SHANK2: variants seen among roughly 807,000 people sequenced by gnomAD.
SHANK2 encodes SH3 and multiple ankyrin repeat domains 2, also known as SH3 and multiple ankyrin repeat domains protein 2.
SHANK2 carries 43 observed loss-of-function variants against 133.7 expected under a neutral mutation model. The ratio of observed to expected loss-of-function variants is 0.32; its 90% confidence interval spans 0.25 to 0.41. The LOEUF is 0.41. SHANK2 is among the 10% of genes least tolerant of loss of function. The pLI, the probability that SHANK2 is intolerant of heterozygous loss-of-function variation, is 1.00. For missense variants in SHANK2, 1,994 were observed against 2,235.8 expected (o/e 0.89, Z 2.18); for synonymous variants, 1,017 against 952.8 (o/e 1.07, Z -1.24).
chr11:71,207,868 T>G (rs1954159685), intron 2 of SHANK2, among the ~76,000 whole-genome samples: 1 of 151,818 alleles, frequency 6.6e-6, no homozygotes, highest in Admixed American at 6.6e-5. Context: ...CACTCTTGCC[T>G]CTCCAGGCTG....
chr11:70,855,893 G>C (rs797044230), intron 11 of SHANK2, among the ~76,000 whole-genome samples: 5 of 152,184 alleles, frequency 3.3e-5, no homozygotes, highest in African/African-American at 1.2e-4. Flanking sequence ...ATGGATAGAT[G>C]GATGAATGAA....
At chr11:70,884,806 C>T (rs1052819099) in intron 11 of SHANK2, among the ~76,000 whole-genome samples, 4 of 152,184 alleles carry the variant, frequency 2.6e-5, no homozygotes, top group Admixed American at 1.3e-4. Flanking sequence ...CTGCAACCTC[C>T]GCCTCCCAGG....
At chr11:71,202,841 G>A (rs959020446) in intron 2 of SHANK2, among the ~76,000 whole-genome samples, 1 of 152,184 alleles carries the variant, frequency 6.6e-6, no homozygotes, top group African/African-American at 2.4e-5. Context: ...GAGCATGCAA[G>A]GGGCAACAAT....
rs34452642 is a variant in SHANK2, at chr11:70,492,787, G to GTTTT, written c.2309-326_2309-323dup. ...TTTCTGTTTTTTGGGACATTTCTGTGTTTTTTTTTTTTTTTTTTTTTTTTT... is the reference window on the plus strand; with the variant it reads ...TTTCTGTTTTTTGGGACATTTCTGTGTTTTTTTTTTTTTTTTTTTTTTTTTTTTT... On this transcript the variant is annotated intron_variant, in intron 21 of 25. Coordinates refer to ENST00000601538, the MANE Select transcript of SHANK2 (RefSeq NM_012309.5). 2.0e-4 allele frequency among the ~76,000 whole-genome samples: 14 copies of GTTTT among 70,594 alleles called. 1 individual carries two copies. Among genetic ancestry groups the GTTTT allele is most frequent in the South Asian group, 6.8e-4 (1 of 1,462 alleles). The allele number at this position is 70,594 out of a possible 152,430, so 46.3% of individuals were successfully genotyped here.
rs1308508787 is a variant in SHANK2, at chr11:71,147,275, C to T, written c.52G>A (p.Asp18Asn). Reference sequence around the variant, plus strand: ...TCTGACTCCGACCCCACGGAGTAGTCGGAGAAGCTCTGGGCCATCTCGTCC... The same window carrying T: ...TCTGACTCCGACCCCACGGAGTAGTTGGAGAAGCTCTGGGCCATCTCGTCC... The part of the protein sequence containing the change: ...SEDEMAQSFS[D>N]YSVGSESDSS... The change falls in exon 3 of 26, where the codon GAC becomes AAC. Residue 18 changes from aspartate (D) to asparagine (N), a missense_variant. Asp to Asn is a conservative substitution (Grantham distance 23). Around this residue, in one of 5 missense-constraint regions of SHANK2, gnomAD observed 653 missense variants for 563.4 expected, o/e 1.16. Transcript: ENST00000601538. 3.2e-5 allele frequency: 50 copies of T among 1,550,906 alleles called. 1 individual carries two copies. The highest frequency in any genetic ancestry group is 4.0e-5 in the Non-Finnish European group (46 of 1,146,954).
chr11:71,079,878 AGGGG>A (rs1951272888), intron 8 of SHANK2, among the ~76,000 whole-genome samples: 29 of 45,308 alleles, frequency 6.4e-4, no homozygotes, highest in Non-Finnish European at 9.2e-4. Context: ...AGGGGAAGGG[AGGGG>A]AGGGGAGGGG....
intron 14 of SHANK2, among the ~76,000 whole-genome samples, chr11:70,702,765 C>T (rs782578899): frequency 5.9e-5 from 9 of 152,198 alleles, no homozygotes; most frequent in Non-Finnish European, 1.2e-4. Flanking sequence ...GATTTCTTGT[C>T]CCTGGTTTAC....
At chr11:70,685,952 C>T (rs1945138628) in intron 15 of SHANK2, among the ~76,000 whole-genome samples, 1 of 152,140 alleles carries the variant, frequency 6.6e-6, no homozygotes, top group Admixed American at 6.5e-5. Flanking sequence ...CTCACCCATC[C>T]ATGCATCCAT....
intron 17 of SHANK2, among the ~76,000 whole-genome samples, chr11:70,602,443 G>C (rs950127085): frequency 1.3e-5 from 2 of 152,166 alleles, no homozygotes; most frequent in Non-Finnish European, 2.9e-5. Flanking sequence ...AGGAGAATAC[G>C]CAGGAGTGCT....
At chr11:70,495,142 C>G (rs2058950974) in intron 21 of SHANK2, among the ~76,000 whole-genome samples, 1 of 152,202 alleles carries the variant, frequency 6.6e-6, no homozygotes, top group Non-Finnish European at 1.5e-5. Flanking sequence ...GCCCTCATCC[C>G]AGCTCCTCCG....
chr11:70,886,056 C>T (rs1345970166), intron 11 of SHANK2, among the ~76,000 whole-genome samples: 6 of 152,168 alleles, frequency 3.9e-5, no homozygotes, highest in African/African-American at 1.2e-4. Flanking sequence ...TGGTTATGTC[C>T]GGATGAAACC....
intron 2 of SHANK2, among the ~76,000 whole-genome samples, chr11:71,203,225 C>T (rs1429148972): frequency 6.6e-6 from 1 of 152,148 alleles, no homozygotes; most frequent in Non-Finnish European, 1.5e-5. Flanking sequence ...GGTGAGGAGG[C>T]AGCGAACCTT....
At position 70,519,602 on chromosome 11, in the gene SHANK2, G is replaced by T. The variant is rs190444665; in HGVS notation, c.2062-16671C>A. ...GCGGAGGTTGCCATAAGCCGAGATC[G>T]CACCATTGCACTCCAGCCTGGGCAA... On this transcript the variant is annotated intron_variant, in intron 17 of 25. Transcript: ENST00000601538. Among the ~76,000 whole-genome samples, 182 of 151,978 alleles carry T rather than the reference G, an allele frequency of 1.2e-3. 1 individual carries two copies. Among genetic ancestry groups the T allele is most frequent in the Non-Finnish European group, 2.0e-3 (139 of 67,970 alleles).
chr11:71,172,564 G>A, intron 2 of SHANK2, among the ~76,000 whole-genome samples: 1 of 142,102 alleles, frequency 7.0e-6, no homozygotes, highest in African/African-American at 2.6e-5. Context: ...CACCACTGCA[G>A]TCCAGCCTGG....
intron 11 of SHANK2, among the ~76,000 whole-genome samples, chr11:70,825,527 T>G (rs1948624154): frequency 6.6e-6 from 1 of 152,216 alleles, no homozygotes; most frequent in Non-Finnish European, 1.5e-5. Context: ...CGCAAGTTAC[T>G]CAAATGAAAT....
intron 10 of SHANK2, among the ~76,000 whole-genome samples, chr11:70,920,137 T>C (rs1950329563): frequency 6.6e-6 from 1 of 152,236 alleles, no homozygotes; most frequent in Admixed American, 6.5e-5. Context: ...TAAAGTGAGA[T>C]AGTGCATACA....
intron 3 of SHANK2, among the ~76,000 whole-genome samples, chr11:71,122,983 C>CA (rs1157372383): frequency 1.3e-5 from 2 of 151,972 alleles, no homozygotes; most frequent in Admixed American, 6.6e-5. Flanking sequence ...ATTGTGGCAG[C>CA]AAAAAAACAG....
At chr11:71,150,706 G>A (rs1555107898) in intron 2 of SHANK2, among the ~76,000 whole-genome samples, 2 of 151,886 alleles carry the variant, frequency 1.3e-5, no homozygotes, top group Admixed American at 6.6e-5. Flanking sequence ...CACAGTTTTC[G>A]GAGCACCCTG....
intron 11 of SHANK2, among the ~76,000 whole-genome samples, chr11:70,892,525 C>T (rs1555074900): frequency 6.6e-6 from 1 of 152,186 alleles, no homozygotes; most frequent in African/African-American, 2.4e-5. Context: ...TTTTTCTCAG[C>T]TTCAACAAGG....
Sources: gnomAD v4.1 joint callset for allele counts (sites outside exome capture counted in the v4.1 genomes callset) on GRCh38, gnomAD v4.1.1 for gene constraint, gnomAD v4.1.1 regional missense constraint, MANE v1.5 for transcripts, NCBI Gene and HGNC (gene_info 2026-07-23, HGNC 2026-07-21) for gene names.